DYNC2H1: variants seen among roughly 807,000 people sequenced by gnomAD.
DYNC2H1 encodes dynein cytoplasmic 2 heavy chain 1.
Under a neutral mutation model 570.0 loss-of-function variants are expected in DYNC2H1, and 410 were observed. The ratio of observed to expected loss-of-function variants is 0.72; its 90% CI spans 0.66 to 0.78. The LOEUF is 0.78. Among genes scored for constraint, DYNC2H1 ranks in the 30% least tolerant of loss-of-function variants. DYNC2H1 has a pLI of 0.00. For missense variants in DYNC2H1, 4,865 were observed against 5,046.4 expected (o/e 0.96, Z 1.09); for synonymous variants, 1,688 against 1,677.6 (o/e 1.01, Z -0.15).
At chr11:103,431,935 C>T (rs1304775717) in intron 84 of DYNC2H1, among the ~76,000 whole-genome samples, 4 of 152,050 alleles carry the variant, frequency 2.6e-5, no homozygotes, top group Non-Finnish European at 4.4e-5. Context: ...CGAATGCTGG[C>T]TGCAGGTATT....
At chr11:103,390,449 C>G in intron 83 of DYNC2H1, among the ~76,000 whole-genome samples, 1 of 151,952 alleles carries the variant, frequency 6.6e-6, no homozygotes, top group African/African-American at 2.4e-5. Context: ...GACTCTTTAT[C>G]CAATTTACCA....
intron 82 of DYNC2H1, among the ~76,000 whole-genome samples, chr11:103,343,199 A>G (rs1209850669): frequency 1.3e-5 from 2 of 152,122 alleles, no homozygotes; most frequent in African/African-American, 4.8e-5. Context: ...GGTCCCGACA[A>G]AAGTTTCGTT....
chr11:103,312,555 AAAAAAAAAAAAC>A lies in DYNC2H1; in HGVS notation c.11649+523_11649+534del, dbSNP rs1166935949. Among the ~76,000 whole-genome samples, 271 of 133,814 alleles carry A rather than the reference AAAAAAAAAAAAC, an allele frequency of 2.0e-3. 1 individual carries two copies. Among genetic ancestry groups the A allele is most frequent in the South Asian group, 9.2e-3 (38 of 4,152 alleles). The allele number at this position is 133,814 out of a possible 152,430, so 87.8% of individuals were successfully genotyped here. On this transcript the variant is annotated intron_variant, in intron 79 of 88. Coordinates refer to ENST00000375735, the MANE Select transcript of DYNC2H1 (RefSeq NM_001377.3). ...AGACTCTGCCTCAAAAAAAAAAAAAAAAAAAAAAAAACCAATTGTAATGTAGTATAAATAGCT... is the reference window on the plus strand; with the variant it reads ...AGACTCTGCCTCAAAAAAAAAAAAAACAATTGTAATGTAGTATAAATAGCT...
rs1351402346 is a variant in DYNC2H1, at chr11:103,363,519, G to A, written c.12156+5160G>A. Among the ~76,000 whole-genome samples the A allele has an allele frequency of 6.6e-6, 1 of 152,128 alleles. No homozygotes were observed. Among genetic ancestry groups the A allele is most frequent in the East Asian group, 1.9e-4 (1 of 5,198 alleles). On this transcript the variant is annotated intron_variant, in intron 83 of 88. Transcript: ENST00000375735. This position sits in a 1 kb window ranked among gnomAD's most constrained non-coding sequence, Gnocchi z 5.6. ...TCTTATTCTAAAAAAAATGTTTTCC[G>A]AGTTTGTTCTTTCCCAAACTTGAGC...
In DYNC2H1 at chr11:103,187,693, A is replaced by C. The variant is rs1862130498; in HGVS notation, c.7140+107A>C. The C allele has an allele frequency of 2.2e-6, 3 of 1,364,140 alleles. No homozygotes were observed. In the South Asian group the frequency reaches 4.3e-5, roughly 19 times the overall value. The allele number at this position is 1,364,140 out of a possible 1,614,324, so 84.5% of individuals were successfully genotyped here. On this transcript the variant is annotated intron_variant, in intron 43 of 88. Transcript: ENST00000375735. ...TCATTTGGGGCCAGTTTTATCTAGC[A>C]TTTGTCATGGAAATTAAACTCCTGA...
chr11:103,273,077 A>T (rs1309905256), intron 70 of DYNC2H1, among the ~76,000 whole-genome samples: 6 of 134,656 alleles, frequency 4.5e-5, no homozygotes, highest in East Asian at 2.5e-4. Context: ...AGTTTTTTTA[A>T]AAAAAAAACT....
chr11:103,374,745 G>A (rs975730397), intron 83 of DYNC2H1, among the ~76,000 whole-genome samples: 1 of 152,170 alleles, frequency 6.6e-6, no homozygotes, highest in East Asian at 1.9e-4. Context: ...ACTTGAGAGA[G>A]ATGATTTAGG....
chr11:103,165,670 A>T (rs576251622), intron 30 of DYNC2H1, among the ~76,000 whole-genome samples: 141 of 152,314 alleles, frequency 9.3e-4, no homozygotes, highest in African/African-American at 3.2e-3. Flanking sequence ...ATAGGTTTGT[A>T]GTAGAGTATA....
At position 103,203,653 on chromosome 11, in the gene DYNC2H1, T is replaced by C. The variant is rs778867019; in HGVS notation, c.8198-10T>C. 6 of 1,542,444 alleles carry C rather than the reference T, an allele frequency of 3.9e-6. No individual in the cohort carries two copies. The highest frequency in any genetic ancestry group is 5.3e-6 in the Non-Finnish European group (6 of 1,135,842). Reference sequence around the variant, plus strand: ...AAAATGTTTTCAATTAGTCTAATATTTTTCTGTAGGTGAAGTTCCTGGACT... The same window carrying C: ...AAAATGTTTTCAATTAGTCTAATATCTTTCTGTAGGTGAAGTTCCTGGACT... On this transcript the variant is annotated splice_polypyrimidine_tract_variant and intron_variant, in intron 50 of 88. Transcript: ENST00000375735. The surrounding 1 kb of genome is among the most constrained non-coding windows in gnomAD (Gnocchi z 4.7).
At chr11:103,135,291 A>G (rs997912758) in intron 15 of DYNC2H1, among the ~76,000 whole-genome samples, 4 of 152,172 alleles carry the variant, frequency 2.6e-5, no homozygotes, top group African/African-American at 9.7e-5. Context: ...AATAGTATTT[A>G]TAAGTATGAA....
chr11:103,384,748 T>A (rs1014571205), intron 83 of DYNC2H1, among the ~76,000 whole-genome samples: 1 of 152,144 alleles, frequency 6.6e-6, no homozygotes, highest in Non-Finnish European at 1.5e-5. Context: ...CTGTCTTTCT[T>A]GTTGTTGTAG....
chr11:103,281,663 T>TGC (rs1866138391), intron 71 of DYNC2H1, among the ~76,000 whole-genome samples: 1 of 151,280 alleles, frequency 6.6e-6, no homozygotes, highest in Admixed American at 6.6e-5. Flanking sequence ...GGGGAAGGTG[T>TGC]AGATTTTCTT....
intron 83 of DYNC2H1, among the ~76,000 whole-genome samples, chr11:103,367,972 A>G (rs1010015451): frequency 6.6e-6 from 1 of 152,124 alleles, no homozygotes; most frequent in Non-Finnish European, 1.5e-5. Context: ...ATAGCTGAAC[A>G]GTATTCCATG....
chr11:103,125,354 A>C (rs1858937035), intron 12 of DYNC2H1, 59 bp downstream of exon 12: 6 of 1,208,298 alleles, frequency 5.0e-6, no homozygotes, highest in South Asian at 1.6e-5. Context: ...TTAAACTAGA[A>C]TATGCTAAAG....
In DYNC2H1 at chr11:103,268,371, C is replaced by T. The variant is rs1865585574; in HGVS notation, c.10695+8394C>T. On this transcript the variant is annotated intron_variant, in intron 70 of 88. Coordinates refer to ENST00000375735, the MANE Select transcript of DYNC2H1 (RefSeq NM_001377.3). The surrounding 1 kb of genome is among the most constrained non-coding windows in gnomAD (Gnocchi z 4.6). ...TTACCTTGTCATATTCATCTGTTTT[C>T]TTGATATTTTAAATAAGCTTTTGCT... is the stretch of plus-strand genomic sequence containing the variant. Among the ~76,000 whole-genome samples the T allele has an allele frequency of 6.6e-6, 1 of 151,696 alleles. No homozygotes were observed. The highest frequency in any genetic ancestry group is 1.5e-5 in the Non-Finnish European group (1 of 67,820).
At chr11:103,457,920 C>T (rs1944852338) in intron 87 of DYNC2H1, among the ~76,000 whole-genome samples, 1 of 151,950 alleles carries the variant, frequency 6.6e-6, no homozygotes, top group Admixed American at 6.6e-5. Flanking sequence ...TAACACTTAG[C>T]TTAAAACATA....
intron 80 of DYNC2H1, among the ~76,000 whole-genome samples, chr11:103,320,297 G>A (rs1591573047): frequency 6.6e-6 from 1 of 152,248 alleles, no homozygotes; most frequent in South Asian, 2.1e-4. Context: ...AGCTACTCAG[G>A]AGGCTAAGGC....
intron 43 of DYNC2H1, 82 bp downstream of exon 43, chr11:103,187,668 T>C: frequency 1.3e-6 from 2 of 1,504,434 alleles, no homozygotes; most frequent in Non-Finnish European, 1.8e-6. Flanking sequence ...TATTCATTCT[T>C]CATTTGGGGC....
In DYNC2H1 at chr11:103,117,820, A is replaced by G. The variant is rs745721849; in HGVS notation, c.956A>G (p.Tyr319Cys). 2.5e-6 allele frequency: 4 copies of G among 1,612,920 alleles called. No individual in the cohort carries two copies. Among genetic ancestry groups the G allele is most frequent in the Non-Finnish European group, 3.4e-6 (4 of 1,179,308 alleles). Residue 319 changes from tyrosine (Y) to cysteine (C), a missense_variant, in exon 6 of 89, where the codon TAT becomes TGT. Physicochemically the swap from Tyr to Cys is radical, Grantham distance 194 (BLOSUM62 -2). Coordinates refer to ENST00000375735, the MANE Select transcript of DYNC2H1 (RefSeq NM_001377.3). ...CCTCATCCATGGAAAAATGAAAAAT[A>G]TTTTCCAGAAACACTTGACAAACTT... ...YVPHPWKNEK[Y>C]FPETLDKLGK...
Sources: gnomAD v4.1 joint callset for allele counts (sites outside exome capture counted in the v4.1 genomes callset) on GRCh38, gnomAD v4.1.1 for gene constraint, Gnocchi (gnomAD v3.1) non-coding constraint, MANE v1.5 for transcripts, NCBI Gene and HGNC (gene_info 2026-07-23, HGNC 2026-07-21) for gene names.